PRIM2: variants seen among roughly 807,000 people sequenced by gnomAD.
PRIM2 encodes the protein DNA primase large subunit.
A neutral mutation model predicts 67.3 loss-of-function variants in PRIM2; 39 were observed. That is an observed-to-expected ratio of 0.58 (90% CI 0.45 to 0.76). The LOEUF (loss-of-function observed/expected upper bound fraction) is 0.76, where lower values mean the gene tolerates loss of function less well. PRIM2 is among the 30% of genes least tolerant of loss of function. The pLI, the probability that PRIM2 is intolerant of heterozygous loss-of-function variation, is 0.00. For missense variants in PRIM2, 398 were observed against 598.7 expected (o/e 0.66, Z 3.50); for synonymous variants, 143 against 198.7 (o/e 0.72, Z 2.36).
intron 7 of PRIM2, among the ~76,000 whole-genome samples, chr6:57,455,511 T>G (rs1227385141): frequency 2.6e-5 from 4 of 152,228 alleles, no homozygotes; most frequent in Non-Finnish European, 5.9e-5. Context: ...TAGCTCTTCT[T>G]GTTGAATTGA....
chr6:57,399,909 ATTTG>A (rs1770648810), intron 7 of PRIM2, among the ~76,000 whole-genome samples: 2 of 151,958 alleles, frequency 1.3e-5, no homozygotes, highest in Non-Finnish European at 2.9e-5. Flanking sequence ...TTTCTTGTAA[ATTTG>A]TTTGAGTTCA....
At chr6:57,339,491 C>G (rs1382914575) in intron 5 of PRIM2, among the ~76,000 whole-genome samples, 5 of 152,108 alleles carry the variant, frequency 3.3e-5, no homozygotes, top group African/African-American at 1.2e-4. Context: ...CAGCATGGTA[C>G]TGGTACCAAA....
At chr6:57,494,125 C>T (rs1554346199) in intron 7 of PRIM2, among the ~76,000 whole-genome samples, 3 of 152,258 alleles carry the variant, frequency 2.0e-5, no homozygotes, top group African/African-American at 7.2e-5. Context: ...TACTTTACCC[C>T]AACTCTTGAT....
At chr6:57,450,987 G>A (rs1271219816) in intron 7 of PRIM2, among the ~76,000 whole-genome samples, 1 of 151,998 alleles carries the variant, frequency 6.6e-6, no homozygotes, top group Non-Finnish European at 1.5e-5. Context: ...TCTGGGAAAT[G>A]TTTTCTTATC....
At chr6:57,347,064 GCTATTGATAC>G (rs1442213155) in intron 5 of PRIM2, among the ~76,000 whole-genome samples, 2 of 152,094 alleles carry the variant, frequency 1.3e-5, no homozygotes, top group Non-Finnish European at 2.9e-5. Context: ...CTGTACTTCG[GCTATTGATAC>G]CTGCCTCCTG....
intron 10 of PRIM2, among the ~76,000 whole-genome samples, chr6:57,544,524 T>C: frequency 6.6e-6 from 1 of 152,304 alleles, no homozygotes; most frequent in South Asian, 2.1e-4. Context: ...ATGTAAAAAT[T>C]AGCCATCTGT....
chr6:57,446,418 C>CTTTTTTGTTTTTTTTTTT (rs1772367156), intron 7 of PRIM2, among the ~76,000 whole-genome samples: 1 of 83,814 alleles, frequency 1.2e-5, no homozygotes, highest in Non-Finnish European at 2.3e-5. Flanking sequence ...CACGCCACTT[C>CTTTTTTGTTTTTTTTTTT]TTTTTTTTTT....
chr6:57,360,022 A>G (rs1225648760), intron 5 of PRIM2, among the ~76,000 whole-genome samples: 1 of 152,182 alleles, frequency 6.6e-6, no homozygotes, highest in Non-Finnish European at 1.5e-5. Flanking sequence ...GGTATAAGGT[A>G]TGAGATAATG....
At chr6:57,367,677 C>G (rs1769406928) in intron 5 of PRIM2, among the ~76,000 whole-genome samples, 1 of 152,224 alleles carries the variant, frequency 6.6e-6, no homozygotes, top group Non-Finnish European at 1.5e-5. Flanking sequence ...TCTAGGATGT[C>G]TAAGACAGCT....
chr6:57,457,389 G>A (rs1292034461), intron 7 of PRIM2, among the ~76,000 whole-genome samples: 1 of 152,206 alleles, frequency 6.6e-6, no homozygotes, highest in Non-Finnish European at 1.5e-5. Flanking sequence ...TCCAGAGGTG[G>A]AGTCTGCAGA....
intron 7 of PRIM2, among the ~76,000 whole-genome samples, chr6:57,394,947 G>A (rs1770472719): frequency 6.6e-6 from 1 of 152,178 alleles, no homozygotes; most frequent in East Asian, 1.9e-4. Context: ...TTAATTCTGT[G>A]TATGTGGTGT....
chr6:57,636,664 C>T (rs1378423751), intron 13 of PRIM2, among the ~76,000 whole-genome samples: 1 of 152,182 alleles, frequency 6.6e-6, no homozygotes, highest in African/African-American at 2.4e-5. Context: ...CATCACAGAG[C>T]CATGGCACAA....
At chr6:57,275,604 A>G in the PRIM2 span, among the ~76,000 whole-genome samples, 5 of 152,270 alleles carry the variant, frequency 3.3e-5, no homozygotes, top group African/African-American at 1.2e-4. Context: ...CTAGAGAAAC[A>G]TAACAGGACA....
At chr6:57,559,144 A>G (rs1265122272) in intron 10 of PRIM2, among the ~76,000 whole-genome samples, 3 of 152,074 alleles carry the variant, frequency 2.0e-5, no homozygotes, top group Non-Finnish European at 4.4e-5. Context: ...AGAAAAAAAA[A>G]AAAAAAGTTT....
intron 12 of PRIM2, among the ~76,000 whole-genome samples, chr6:57,623,942 GATAC>G (rs1468106683): frequency 6.6e-6 from 1 of 152,002 alleles, no homozygotes; most frequent in Non-Finnish European, 1.5e-5. Flanking sequence ...CAGGAGATAT[GATAC>G]ATCTTTTAAT....
At chr6:57,344,742 CA>C in intron 5 of PRIM2, among the ~76,000 whole-genome samples, 1 of 152,182 alleles carries the variant, frequency 6.6e-6, no homozygotes, top group Middle Eastern at 3.4e-3. Flanking sequence ...GAGGCCTAAC[CA>C]TTTATGCATA....
intron 10 of PRIM2, among the ~76,000 whole-genome samples, chr6:57,581,577 T>C (rs1776084434): frequency 6.6e-6 from 1 of 152,224 alleles, no homozygotes; most frequent in African/African-American, 2.4e-5. Flanking sequence ...ATAGTAGGCA[T>C]ACGTGTCTGA....
intron 7 of PRIM2, among the ~76,000 whole-genome samples, chr6:57,390,490 G>C (rs1770302587): frequency 6.6e-6 from 1 of 151,938 alleles, no homozygotes; most frequent in Non-Finnish European, 1.5e-5. Context: ...CATCACCCAG[G>C]TATTAAACTC....
intron 10 of PRIM2, among the ~76,000 whole-genome samples, chr6:57,548,256 A>C (rs1775329164): frequency 6.6e-6 from 1 of 152,178 alleles, no homozygotes; most frequent in Non-Finnish European, 1.5e-5. Flanking sequence ...AGAAGTGCCA[A>C]AGTTAGAGCA....
Sources: allele counts gnomAD v4.1 joint callset (sites outside exome capture counted in the v4.1 genomes callset), GRCh38; gene constraint gnomAD v4.1.1; transcripts MANE v1.5; gene names NCBI Gene and HGNC (gene_info 2026-07-23, HGNC 2026-07-21).